TATDN3: variants seen among roughly 807,000 people sequenced by gnomAD.
TATDN3 encodes the protein TatD DNase domain containing 3, also known as deoxyribonuclease TATDN3.
A neutral mutation model predicts 40.1 loss-of-function variants in TATDN3; 29 were observed. The ratio of observed to expected loss-of-function variants is 0.72; its 90% CI spans 0.54 to 0.99. The LOEUF (loss-of-function observed/expected upper bound fraction) is 0.99. TATDN3 is among the 50% of genes least tolerant of loss of function. TATDN3 has a pLI of 0.00. For synonymous variants in TATDN3, 105 were observed against 117.0 expected (o/e 0.90, Z 0.66); for missense variants, 309 against 321.9 (o/e 0.96, Z 0.31).
intron 8 of TATDN3, among the ~76,000 whole-genome samples, chr1:212,811,587 A>AC (rs1553258173): frequency 2.0e-5 from 3 of 150,804 alleles, no homozygotes; most frequent in African/African-American, 7.3e-5. Context: ...GTAAAAAATA[A>AC]TTTTTTTTTG....
chr1:212,802,779 C>T lies in TATDN3; in HGVS notation c.321+16C>T. On this transcript the variant is annotated intron_variant, in intron 5 of 9. Coordinates refer to ENST00000366974, the MANE Select transcript of TATDN3 (RefSeq NM_001042552.3). ...AATTGGAGAGGTAAACACCCACTAA[C>T]TGATCAAACAGCTTCTAATTCAGAC... 6.4e-7 allele frequency: 1 copy of T among 1,561,266 alleles called. No homozygotes were observed. The highest frequency in any genetic ancestry group is 8.8e-7 in the Non-Finnish European group (1 of 1,132,088).
intron 8 of TATDN3, among the ~76,000 whole-genome samples, chr1:212,808,174 G>A (rs566761086): frequency 8.5e-5 from 13 of 152,064 alleles, no homozygotes; most frequent in South Asian, 4.2e-4. Flanking sequence ...TTAGCTGGGC[G>A]TGGTGGCATG....
chr1:212,807,612 A>G, intron 7 of TATDN3, 124 bp from the exon 8 acceptor site: 1 of 626,970 alleles, frequency 1.6e-6, no homozygotes, highest in Non-Finnish European at 2.7e-6. Context: ...CGCCCTTTAG[A>G]AGTTATAGAA....
At position 212,792,488 on chromosome 1, in the gene TATDN3, AG is replaced by A. The variant is rs66731730; in HGVS notation, c.66+502del. ...CTCGTCCCTACAAAAAAAAAAAAAAAGCCGGTGATTGTGGCGTTTGCCTGTG... is the reference window on the plus strand; with the variant it reads ...CTCGTCCCTACAAAAAAAAAAAAAAACCGGTGATTGTGGCGTTTGCCTGTG... On this transcript the variant is annotated intron_variant, in intron 1 of 9. Coordinates refer to ENST00000366974, the MANE Select transcript of TATDN3 (RefSeq NM_001042552.3). Among the ~76,000 whole-genome samples the A allele has an allele frequency of 8.6e-5, 13 of 150,436 alleles. 2 individuals carry two copies. Among genetic ancestry groups the A allele is most frequent in the Admixed American group, 5.3e-4 (8 of 15,128 alleles).
rs151006716 is a variant in TATDN3, at chr1:212,801,864, C to G, written c.259-837C>G. On this transcript the variant is annotated intron_variant, in intron 4 of 9. Coordinates refer to ENST00000366974, the MANE Select transcript of TATDN3 (RefSeq NM_001042552.3). Reference sequence around the variant, plus strand: ...GAATATATTTCAAGGCCTTAACTTACCCTCCTTCATCTTTGTTCTCTCTCT... The same window carrying G: ...GAATATATTTCAAGGCCTTAACTTAGCCTCCTTCATCTTTGTTCTCTCTCT... 3.9e-5 allele frequency among the ~76,000 whole-genome samples: 6 copies of G among 152,116 alleles called. No individual in the cohort carries two copies. The South Asian group carries it at 1.2e-3, about 31-fold the overall frequency.
chr1:212,803,568 A>G lies in TATDN3; in HGVS notation c.322-752A>G, dbSNP rs143045427. ...TAAGAATAACACTTAAATTCAGAAT[A>G]TAGATTATAGAATGCATGCCAAAAT... On this transcript the variant is annotated intron_variant, in intron 5 of 9. Coordinates refer to ENST00000366974, the MANE Select transcript of TATDN3 (RefSeq NM_001042552.3). Among the ~76,000 whole-genome samples, 247 of 152,280 alleles carry G rather than the reference A, an allele frequency of 1.6e-3. 3 individuals carry two copies. Among genetic ancestry groups the G allele is most frequent in the African/African-American group, 5.7e-3 (235 of 41,564 alleles).
At chr1:212,800,522 C>G (rs903992653) in intron 4 of TATDN3, among the ~76,000 whole-genome samples, 1 of 152,006 alleles carries the variant, frequency 6.6e-6, no homozygotes, top group Admixed American at 6.6e-5. Flanking sequence ...ACTTGTTCCA[C>G]TTTACTAATT....
In TATDN3 at chr1:212,815,020, A is replaced by G. The variant is rs145223416; in HGVS notation, c.689A>G (p.Asn230Ser). 9.9e-6 allele frequency: 16 copies of G among 1,612,712 alleles called. No homozygotes were observed. The African/African-American group carries it at 1.5e-4, about 15-fold the overall frequency. Residue 230 changes from asparagine (N) to serine (S), a missense_variant, in exon 10 of 10, where the codon AAT becomes AGT. Physicochemically the swap from Asn to Ser is conservative, Grantham distance 46. Transcript: ENST00000366974. ...PALGPEKQVR[N>S]EPWNISISAE... Reference sequence around the variant, plus strand: ...TCTGCTGTCTTGTTTCAGGTACGGAATGAGCCCTGGAACATTTCTATTTCA... The same window carrying G: ...TCTGCTGTCTTGTTTCAGGTACGGAGTGAGCCCTGGAACATTTCTATTTCA...
chr1:212,806,829 T>TATATACACATATATACAC (rs1375549346), intron 7 of TATDN3, among the ~76,000 whole-genome samples: 1 of 56,326 alleles, frequency 1.8e-5, no homozygotes. Context: ...CATATATACA[T>TATATACACATATATACAC]ATATATACAT....
chr1:212,804,715 C>A, intron 7 of TATDN3, 64 bp downstream of exon 7: 1 of 1,426,004 alleles, frequency 7.0e-7, no homozygotes. Flanking sequence ...TTTATGTTCT[C>A]ATAAAGCAAG....
At position 212,804,658 on chromosome 1, in the gene TATDN3, C is replaced by A. The variant is rs767600204; in HGVS notation, c.487+7C>A. The A allele has an allele frequency of 6.2e-7, 1 of 1,611,166 alleles. No individual in the cohort carries two copies. The highest frequency in any genetic ancestry group is 2.2e-5 in the East Asian group (1 of 44,844). ...AACCTTTTACAAGAGCAAGGTATTT[C>A]GTTTCCTGAGAAAAATAGGCCTAAT... On this transcript the variant is annotated splice_region_variant and intron_variant, in intron 7 of 9. Transcript: ENST00000366974.
At chr1:212,796,228 T>C (rs1359205309) in intron 2 of TATDN3, among the ~76,000 whole-genome samples, 1 of 152,208 alleles carries the variant, frequency 6.6e-6, no homozygotes, top group Non-Finnish European at 1.5e-5. Flanking sequence ...TGGACATATA[T>C]AGACCTGATG....
At chr1:212,812,128 C>A in intron 8 of TATDN3, 120 bp from the exon 9 acceptor site, 1 of 633,040 alleles carries the variant, frequency 1.6e-6, no homozygotes, top group Non-Finnish European at 2.6e-6. Flanking sequence ...CCACCGCGCC[C>A]AGCCTAAAGC....
chr1:212,808,049 A>G (rs1013263669), intron 8 of TATDN3, among the ~76,000 whole-genome samples: 3 of 152,204 alleles, frequency 2.0e-5, no homozygotes, highest in African/African-American at 7.2e-5. Flanking sequence ...TCAGGGGCTC[A>G]CGCTTGTAAT....
At chr1:212,808,443 G>A (rs2102472571) in intron 8 of TATDN3, among the ~76,000 whole-genome samples, 1 of 151,858 alleles carries the variant, frequency 6.6e-6, no homozygotes, top group African/African-American at 2.4e-5. Context: ...CAAATTTATT[G>A]GACATAATCA....
At chr1:212,806,747 C>CTAT (rs1558083475) in intron 7 of TATDN3, among the ~76,000 whole-genome samples, 1 of 43,988 alleles carries the variant, frequency 2.3e-5, no homozygotes, top group Non-Finnish European at 4.4e-5. Context: ...TCTCTCTCTC[C>CTAT]ATATATATAT....
At chr1:212,805,880 A>T (rs1662434144) in intron 7 of TATDN3, among the ~76,000 whole-genome samples, 1 of 152,122 alleles carries the variant, frequency 6.6e-6, no homozygotes, top group Non-Finnish European at 1.5e-5. Flanking sequence ...AAAGTTTAAC[A>T]AGCAATCCAC....
intron 1 of TATDN3, among the ~76,000 whole-genome samples, chr1:212,794,007 G>A (rs1439850437): frequency 2.0e-5 from 3 of 152,124 alleles, no homozygotes; most frequent in African/African-American, 7.2e-5. Flanking sequence ...GGGGCCGGGC[G>A]CAGTGGCTCA....
Position 212,806,765 on chromosome 1 carries a change from TATATATATATATATATATAC to T in TATDN3, c.488-969_488-950del, listed in dbSNP as rs1456590487. Among the ~76,000 whole-genome samples the T allele has an allele frequency of 5.2e-5, 6 of 114,288 alleles. 1 individual carries two copies. Among genetic ancestry groups the T allele is most frequent in the Non-Finnish European group, 1.1e-4 (6 of 55,544 alleles). 75.0% of individuals were successfully genotyped at this position (114,288 alleles called of 152,430 possible). The stretch of plus-strand genomic sequence containing the variant: ...CTCTCTCCATATATATATATATATA[TATATATATATATATATATAC>T]ACACACACACACACATATATACACA... On this transcript the variant is annotated intron_variant, in intron 7 of 9. Transcript: ENST00000366974.
Sources: gnomAD v4.1 joint callset for allele counts (sites outside exome capture counted in the v4.1 genomes callset) on GRCh38, gnomAD v4.1.1 for gene constraint, MANE v1.5 for transcripts, NCBI Gene and HGNC (gene_info 2026-07-23, HGNC 2026-07-21) for gene names.